Variants in STXBP5L observed in about 807,000 individuals in gnomAD.
STXBP5L encodes the protein syntaxin-binding protein 5-like.
In STXBP5L, 65 loss-of-function variants were observed where a neutral mutation model predicts 144.5. The ratio of observed to expected loss-of-function variants is 0.45; its 90% CI spans 0.37 to 0.55. The LOEUF is 0.55. Among genes scored for constraint, STXBP5L ranks in the 20% least tolerant of loss-of-function variants. The probability of loss-of-function intolerance (pLI) is 0.00; values close to 1 mark genes in which losing one functional copy is unlikely to be tolerated. For synonymous variants in STXBP5L, 505 were observed against 469.6 expected (o/e 1.08, Z -0.97); for missense variants, 1,298 against 1,405.5 (o/e 0.92, Z 1.22).
chr3:120,940,255 T>G (rs574854571), intron 2 of STXBP5L, among the ~76,000 whole-genome samples: 28 of 152,140 alleles, frequency 1.8e-4, no homozygotes, highest in Non-Finnish European at 3.7e-4. Flanking sequence ...TGTTAAATAC[T>G]CTGGGGAGAG....
chr3:121,286,088 G>A (rs338990), intron 19 of STXBP5L, among the ~76,000 whole-genome samples: 72,248 of 151,898 alleles, frequency 0.48, 17,742 homozygotes, highest in East Asian at 0.73. Flanking sequence ...AGTTTGAAAA[G>A]TAGGCTTAAT....
At position 121,422,769 on chromosome 3, in the gene STXBP5L, TC is replaced by T. The variant is rs1204280227; in HGVS notation, c.*3673del. On this transcript the variant is annotated 3_prime_UTR_variant, in exon 27 of 27. Transcript: ENST00000471454. ...TGAAAGTGATTCTCAAATAAATAAA[TC>T]AAAATCCAACTCCTTTCCCTCAAAG... The T allele has an allele frequency of 6.6e-6, 1 of 152,086 alleles. No homozygotes were observed. The highest frequency in any genetic ancestry group is 1.5e-5 in the Non-Finnish European group (1 of 68,002). The allele number at this position is 152,086 out of a possible 1,614,324, so 9.4% of individuals were successfully genotyped here. A position where few individuals can be genotyped will look rare whatever the true frequency, so the allele number is the denominator to read the frequency against.
chr3:121,016,903 T>C (rs960277554), intron 3 of STXBP5L, among the ~76,000 whole-genome samples: 1 of 152,080 alleles, frequency 6.6e-6, no homozygotes, highest in Non-Finnish European at 1.5e-5. Flanking sequence ...TTCTAGAAAA[T>C]AGAAGCAGAT....
At chr3:121,227,586 T>A (rs562871897) in intron 11 of STXBP5L, among the ~76,000 whole-genome samples, 37 of 151,864 alleles carry the variant, frequency 2.4e-4, no homozygotes, top group East Asian at 2.3e-3. Context: ...TTTCAAAAAA[T>A]TTTTTTTTCT....
intron 3 of STXBP5L, among the ~76,000 whole-genome samples, chr3:120,958,295 C>A (rs948767617): frequency 1.3e-5 from 2 of 152,116 alleles, no homozygotes; most frequent in African/African-American, 4.8e-5. Context: ...AAGTCCAGGA[C>A]CAGATGGATT....
chr3:121,289,195 G>A (rs914253122), intron 19 of STXBP5L, among the ~76,000 whole-genome samples: 2 of 152,084 alleles, frequency 1.3e-5, no homozygotes, highest in African/African-American at 4.8e-5. Context: ...AAAGTGAGCA[G>A]GAGTAGCTAT....
At chr3:121,068,332 C>G (rs991639653) in intron 5 of STXBP5L, among the ~76,000 whole-genome samples, 1 of 152,300 alleles carries the variant, frequency 6.6e-6, no homozygotes, top group Admixed American at 6.5e-5. Context: ...ACTTGGTGTA[C>G]CTAACATTTA....
intron 13 of STXBP5L, among the ~76,000 whole-genome samples, chr3:121,239,416 G>A (rs972508739): frequency 6.7e-6 from 1 of 149,596 alleles, no homozygotes; most frequent in African/African-American, 2.5e-5. Flanking sequence ...ATATATATTT[G>A]AGTCATAAGA....
At position 121,266,470 on chromosome 3, in the gene STXBP5L, G is replaced by A. The variant is rs975703824; in HGVS notation, c.1958+7302G>A. ...TCAATAAACTAGTAATTGATGGAAC[G>A]TATCTCAAAATAATAAGAGCTATTT... On this transcript the variant is annotated intron_variant, in intron 18 of 26. Coordinates refer to ENST00000471454, the MANE Select transcript of STXBP5L (RefSeq NM_001308330.2). 2.6e-5 allele frequency among the ~76,000 whole-genome samples: 4 copies of A among 152,070 alleles called. No individual in the cohort carries two copies. In the South Asian group the frequency reaches 6.2e-4, roughly 24 times the overall value.
At chr3:121,147,237 G>A (rs1265273472) in intron 7 of STXBP5L, among the ~76,000 whole-genome samples, 1 of 151,756 alleles carries the variant, frequency 6.6e-6, no homozygotes, top group African/African-American at 2.4e-5. Context: ...AAATTTCAGA[G>A]GATTAAAATA....
intron 22 of STXBP5L, among the ~76,000 whole-genome samples, chr3:121,400,278 C>T (rs2046839927): frequency 6.6e-6 from 1 of 152,190 alleles, no homozygotes. Context: ...TCCACTTTCA[C>T]TTTCCACTGC....
At chr3:121,326,486 T>C (rs1228723003) in intron 20 of STXBP5L, among the ~76,000 whole-genome samples, 1 of 152,114 alleles carries the variant, frequency 6.6e-6, no homozygotes, top group Non-Finnish European at 1.5e-5. Context: ...AGTAAATAGA[T>C]AAATTCATAA....
At chr3:121,070,459 T>G (rs2041758382) in intron 5 of STXBP5L, among the ~76,000 whole-genome samples, 1 of 152,214 alleles carries the variant, frequency 6.6e-6, no homozygotes, top group South Asian at 2.1e-4. Flanking sequence ...GTGTCACACT[T>G]TGCAGCAACT....
At chr3:121,299,415 T>C (rs952943509) in intron 19 of STXBP5L, among the ~76,000 whole-genome samples, 16 of 152,166 alleles carry the variant, frequency 1.1e-4, no homozygotes, top group African/African-American at 3.9e-4. Context: ...TTATACTTAC[T>C]ACCAAGGAAC....
intron 5 of STXBP5L, among the ~76,000 whole-genome samples, chr3:121,064,104 A>G (rs2041424219): frequency 6.6e-6 from 1 of 152,182 alleles, no homozygotes; most frequent in East Asian, 1.9e-4. Context: ...CTTGAAACCT[A>G]GGGCCCTGGT....
At chr3:121,045,388 C>T (rs1430003844) in intron 4 of STXBP5L, 47 bp from the exon 5 acceptor site, 2 of 1,527,282 alleles carry the variant, frequency 1.3e-6, no homozygotes, top group Admixed American at 2.0e-5. Flanking sequence ...TAAAAAAACC[C>T]TAAATTAAGT....
intron 14 of STXBP5L, among the ~76,000 whole-genome samples, chr3:121,244,961 A>C (rs563597920): frequency 6.6e-6 from 1 of 152,132 alleles, no homozygotes; most frequent in African/African-American, 2.4e-5. Flanking sequence ...CAAACACACT[A>C]GACAACACCA....
At chr3:121,004,400 T>C (rs1478079764) in intron 3 of STXBP5L, among the ~76,000 whole-genome samples, 6 of 152,120 alleles carry the variant, frequency 3.9e-5, no homozygotes, top group Non-Finnish European at 5.9e-5. Flanking sequence ...CCATTGATTT[T>C]GTATCCTGAG....
chr3:120,990,889 C>G (rs1942786705), intron 3 of STXBP5L, among the ~76,000 whole-genome samples: 1 of 152,096 alleles, frequency 6.6e-6, no homozygotes, highest in South Asian at 2.1e-4. Context: ...AGAAGAAAAC[C>G]TAGGCAATAC....
Sources: allele counts gnomAD v4.1 joint callset (sites outside exome capture counted in the v4.1 genomes callset), GRCh38; gene constraint gnomAD v4.1.1; transcripts MANE v1.5; gene names NCBI Gene and HGNC (gene_info 2026-07-23, HGNC 2026-07-21).